The following SP100 variants were observed in gnomAD, a reference collection of about 807,000 sequenced individuals.
The protein encoded by SP100 is nuclear autoantigen Sp-100.
SP100 carries 84 observed loss-of-function variants against 130.0 expected under a neutral mutation model. The observed-to-expected ratio is 0.65, with a 90% CI of 0.54 to 0.77. SP100 has a LOEUF of 0.77. SP100 is among the 30% of genes least tolerant of loss of function. The probability of loss-of-function intolerance (pLI) is 0.00; values close to 1 mark genes in which losing one functional copy is unlikely to be tolerated. For synonymous variants in SP100, 331 were observed against 351.7 expected (o/e 0.94, Z 0.66); for missense variants, 978 against 1,052.2 (o/e 0.93, Z 0.97).
At chr2:230,515,743 G>A (rs1289612581) in intron 24 of SP100, 2 of 1,512,666 alleles carry the variant, frequency 1.3e-6, no homozygotes, top group Admixed American at 2.3e-5. Flanking sequence ...GACTGTGTAA[G>A]ATTTGTTTTT....
chr2:230,434,467 G>A (rs1314220384), intron 2 of SP100, among the ~76,000 whole-genome samples: 1 of 152,072 alleles, frequency 6.6e-6, no homozygotes, highest in Non-Finnish European at 1.5e-5. Flanking sequence ...AAAATCAGTG[G>A]ACAAAACAGA....
chr2:230,469,145 C>A, intron 14 of SP100, 49 bp downstream of exon 14: 3 of 1,113,538 alleles, frequency 2.7e-6, no homozygotes, highest in Non-Finnish European at 4.0e-6. Context: ...TTATTTGCTG[C>A]AAAAGCTACA....
rs986851088 is a variant in SP100 at position 230,543,508 on chromosome 2, C to G, written c.*562C>G. 6.6e-6 allele frequency: 1 copy of G among 152,106 alleles called. No individual in the cohort carries two copies. Among genetic ancestry groups the G allele is most frequent in the Non-Finnish European group, 1.5e-5 (1 of 68,024 alleles). The allele number at this position is 152,106 out of a possible 1,614,324, so 9.4% of individuals were successfully genotyped here. ...TGAAAATTACTAGTATTCCTATACA[C>G]CAGCAATAGCCAAGCCAAGAGCCAA... On this transcript the variant is annotated 3_prime_UTR_variant, in exon 29 of 29. Coordinates refer to ENST00000340126, the MANE Select transcript of SP100 (RefSeq NM_001080391.2).
intron 24 of SP100, among the ~76,000 whole-genome samples, chr2:230,523,491 A>G (rs999911968): frequency 4.6e-5 from 7 of 152,104 alleles, no homozygotes; most frequent in African/African-American, 1.4e-4. Flanking sequence ...ACATGGTGGA[A>G]CCCCATCTCT....
At chr2:230,511,087 A>C in intron 23 of SP100, 38 bp from the exon 24 acceptor site, 1 of 1,419,768 alleles carries the variant, frequency 7.0e-7, no homozygotes, top group Non-Finnish European at 1.0e-6. Flanking sequence ...GAAAAATCAC[A>C]CTCAATATTG....
intron 24 of SP100, among the ~76,000 whole-genome samples, chr2:230,522,682 G>T (rs554148852): frequency 1.3e-5 from 2 of 151,556 alleles, no homozygotes; most frequent in Admixed American, 1.3e-4. Context: ...TAGGGACAGG[G>T]TTTTGCAGTG....
intron 24 of SP100, among the ~76,000 whole-genome samples, chr2:230,521,744 G>A (rs1691180786): frequency 1.3e-5 from 2 of 152,178 alleles, no homozygotes; most frequent in Non-Finnish European, 2.9e-5. Context: ...AGTCTCAGAA[G>A]CCCTCCTAAG....
chr2:230,493,420 T>C (rs941582385), intron 17 of SP100, among the ~76,000 whole-genome samples: 25 of 152,216 alleles, frequency 1.6e-4, no homozygotes, highest in Non-Finnish European at 3.5e-4. Context: ...TTTTGCCATG[T>C]TGGCCAGGCT....
At chr2:230,455,471 A>G (rs1234589355) in intron 8 of SP100, among the ~76,000 whole-genome samples, 1 of 152,184 alleles carries the variant, frequency 6.6e-6, no homozygotes, top group Non-Finnish European at 1.5e-5. Context: ...TGCATGAAAT[A>G]TCTTTTTCTA....
At position 230,433,750 on chromosome 2, in the gene SP100, T is replaced by G. The variant is rs573073809; in HGVS notation, c.108-9187T>G. Among the ~76,000 whole-genome samples the G allele has an allele frequency of 1.5e-4, 23 of 151,920 alleles. 1 individual carries two copies. Among genetic ancestry groups the G allele is most frequent in the African/African-American group, 4.8e-4 (20 of 41,496 alleles). ...TTTTATTATTTTGCCTACCTTTATT[T>G]TTGAATTTGCAAACTCGACTTTTAA... is the stretch of plus-strand genomic sequence containing the variant. On this transcript the variant is annotated intron_variant, in intron 2 of 28. Transcript: ENST00000340126.
At chr2:230,540,155 C>T (rs966241137) in intron 25 of SP100, among the ~76,000 whole-genome samples, 35 of 152,212 alleles carry the variant, frequency 2.3e-4, no homozygotes, top group Non-Finnish European at 8.8e-5. Flanking sequence ...TAGCCCCTAT[C>T]TCTGCACCAG....
chr2:230,440,814 G>A (rs187770456), intron 2 of SP100, among the ~76,000 whole-genome samples: 73 of 152,094 alleles, frequency 4.8e-4, no homozygotes, highest in African/African-American at 1.8e-3. Flanking sequence ...CCAGCATAAG[G>A]GTAGACAAAT....
rs1467524495 is a variant in SP100 at position 230,515,542 on chromosome 2, A to G, written c.2094+4376A>G. ...AGGAAAGCCTAATTCAGCAAAAAAGAGAGTTGTCAAGGCTGAAAAAAGCAA... is the reference window on the plus strand; with the variant it reads ...AGGAAAGCCTAATTCAGCAAAAAAGGGAGTTGTCAAGGCTGAAAAAAGCAA... On this transcript the variant is annotated intron_variant, in intron 24 of 28. Coordinates refer to ENST00000340126, the MANE Select transcript of SP100 (RefSeq NM_001080391.2). 1.4e-5 allele frequency: 22 copies of G among 1,600,794 alleles called. No homozygotes were observed. In the South Asian group the frequency reaches 1.9e-4, roughly 14 times the overall value.
intron 17 of SP100, among the ~76,000 whole-genome samples, chr2:230,479,717 C>T (rs2065745590): frequency 6.6e-6 from 1 of 152,212 alleles, no homozygotes; most frequent in Non-Finnish European, 1.5e-5. Flanking sequence ...AAGGCTTCAG[C>T]ACAGATGCCA....
At chr2:230,536,863 TC>T (rs1691964695) in intron 24 of SP100, among the ~76,000 whole-genome samples, 6 of 152,188 alleles carry the variant, frequency 3.9e-5, no homozygotes, top group African/African-American at 1.4e-4. Flanking sequence ...GACTTCCCTG[TC>T]TAAACAAAGT....
chr2:230,500,791 G>A (rs762687606), intron 19 of SP100, among the ~76,000 whole-genome samples: 4 of 152,132 alleles, frequency 2.6e-5, no homozygotes, highest in Non-Finnish European at 4.4e-5. Flanking sequence ...ACATTTTACT[G>A]TGGCAACCGC....
intron 8 of SP100, among the ~76,000 whole-genome samples, chr2:230,456,705 G>T (rs2064290186): frequency 6.6e-6 from 1 of 151,936 alleles, no homozygotes; most frequent in African/African-American, 2.4e-5. Context: ...GCTCTCTGAT[G>T]CCTTTTTAAA....
intron 25 of SP100, among the ~76,000 whole-genome samples, chr2:230,539,893 A>G (rs1337038699): frequency 1.3e-5 from 2 of 152,168 alleles, no homozygotes; most frequent in Non-Finnish European, 1.5e-5. Context: ...TGTGCAGGAT[A>G]CCACGGAGAT....
At chr2:230,420,574 A>T (rs2062739632) in intron 2 of SP100, among the ~76,000 whole-genome samples, 1 of 152,144 alleles carries the variant, frequency 6.6e-6, no homozygotes, top group Non-Finnish European at 1.5e-5. Flanking sequence ...GTTTACTAAA[A>T]GTTATTTATT....
Sources: gnomAD v4.1 joint callset for allele counts (sites outside exome capture counted in the v4.1 genomes callset) on GRCh38, gnomAD v4.1.1 for gene constraint, MANE v1.5 for transcripts, NCBI Gene and HGNC (gene_info 2026-07-23, HGNC 2026-07-21) for gene names.